Variants in KIZ observed in about 807,000 individuals in gnomAD.
The protein encoded by KIZ is kizuna centrosomal protein.
Under a neutral mutation model 79.6 loss-of-function variants are expected in KIZ, and 68 were observed. The observed-to-expected ratio is 0.85, with a 90% CI of 0.70 to 1.05. The LOEUF (loss-of-function observed/expected upper bound fraction) is 1.05, where lower values mean the gene tolerates loss of function less well. KIZ is among the 50% of genes least tolerant of loss of function. The pLI, the probability that KIZ is intolerant of heterozygous loss-of-function variation, is 0.00. For synonymous variants in KIZ, 280 were observed against 281.8 expected (o/e 0.99, Z 0.06); for missense variants, 797 against 800.4 (o/e 1.00, Z 0.05).
rs759408014 is a variant in KIZ, at chr20:21,199,392, G to A, written c.1353-6099G>A. Among the ~76,000 whole-genome samples the A allele has an allele frequency of 3.2e-4, 49 of 152,130 alleles. 1 individual carries two copies. Among genetic ancestry groups the A allele is most frequent in the Non-Finnish European group, 4.4e-4 (30 of 68,016 alleles). ...TTCTTTACCACAGTCATTTTTTAGA[G>A]CCAGATAAAGAAGTCAAGAATGTTC... On this transcript the variant is annotated intron_variant, in intron 6 of 12. Transcript: ENST00000619189.
At chr20:21,221,034 T>G (rs2036486841) in intron 9 of KIZ, among the ~76,000 whole-genome samples, 3 of 152,140 alleles carry the variant, frequency 2.0e-5, no homozygotes, top group Admixed American at 6.5e-5. Context: ...GCTGGGCTGC[T>G]GGGAGGTCGG....
intron 9 of KIZ, among the ~76,000 whole-genome samples, chr20:21,217,711 G>T (rs780686152): frequency 3.3e-5 from 5 of 152,098 alleles, no homozygotes; most frequent in Non-Finnish European, 7.3e-5. Flanking sequence ...AAGTTTAAAT[G>T]AAATCATTTG....
chr20:21,139,005 C>T (rs2032361096), intron 3 of KIZ: 1 of 145,920 alleles, frequency 6.9e-6, no homozygotes, highest in Non-Finnish European at 1.5e-5. Flanking sequence ...AAGTATGAAA[C>T]CGGCCCAACC....
intron 9 of KIZ, among the ~76,000 whole-genome samples, chr20:21,224,316 T>C (rs2036595054): frequency 6.6e-6 from 1 of 152,256 alleles, no homozygotes; most frequent in African/African-American, 2.4e-5. Flanking sequence ...GCAAATGATT[T>C]CTGGATTCTC....
intron 4 of KIZ, among the ~76,000 whole-genome samples, chr20:21,149,352 G>C (rs2033000430): frequency 6.6e-6 from 1 of 152,198 alleles, no homozygotes; most frequent in South Asian, 2.1e-4. Context: ...TGGTGCTGTA[G>C]TATTTGAGCT....
At chr20:21,205,149 T>G (rs1391097646) in intron 6 of KIZ, among the ~76,000 whole-genome samples, 1 of 152,152 alleles carries the variant, frequency 6.6e-6, no homozygotes, top group East Asian at 1.9e-4. Context: ...TAGATTAAAA[T>G]TTTAAAGTAA....
chr20:21,226,748 G>A (rs997628659), intron 9 of KIZ, among the ~76,000 whole-genome samples: 8 of 152,214 alleles, frequency 5.3e-5, no homozygotes, highest in African/African-American at 1.9e-4. Context: ...GGGGGTGAGT[G>A]ATGTGCCCAG....
At chr20:21,210,547 T>G (rs2036024967) in intron 7 of KIZ, among the ~76,000 whole-genome samples, 1 of 152,168 alleles carries the variant, frequency 6.6e-6, no homozygotes, top group Non-Finnish European at 1.5e-5. Flanking sequence ...TAAAAAAGTT[T>G]CAAAGAATAT....
intron 7 of KIZ, among the ~76,000 whole-genome samples, chr20:21,210,552 G>T (rs1305358126): frequency 1.3e-5 from 2 of 152,062 alleles, no homozygotes; most frequent in Non-Finnish European, 2.9e-5. Flanking sequence ...AAGTTTCAAA[G>T]AATATCTGTG....
At chr20:21,133,164 G>A (rs1005249161) in intron 2 of KIZ, 2 of 152,232 alleles carry the variant, frequency 1.3e-5, no homozygotes, top group Non-Finnish European at 2.9e-5. Context: ...AGAAGAGAGA[G>A]AGGCCAAGAA....
chr20:21,229,503 T>G (rs1372297546), intron 10 of KIZ, among the ~76,000 whole-genome samples: 1 of 152,240 alleles, frequency 6.6e-6, no homozygotes, highest in Non-Finnish European at 1.5e-5. Context: ...GTTGGGGGAT[T>G]TTGAGTTCTT....
intron 11 of KIZ, among the ~76,000 whole-genome samples, chr20:21,234,640 C>T (rs1016321910): frequency 1.3e-5 from 2 of 151,854 alleles, no homozygotes; most frequent in African/African-American, 4.8e-5. Flanking sequence ...CAAGTGGTCT[C>T]GAAACCCGGT....
intron 6 of KIZ, among the ~76,000 whole-genome samples, chr20:21,181,480 A>G (rs368844873): frequency 1.3e-5 from 2 of 150,412 alleles, no homozygotes. Context: ...TTTTTTTTAG[A>G]CAGGGTCTCA....
chr20:21,241,161 T>C (rs908609671), intron 11 of KIZ, among the ~76,000 whole-genome samples: 1 of 152,228 alleles, frequency 6.6e-6, no homozygotes, highest in Non-Finnish European at 1.5e-5. Context: ...GTAGCCAAAG[T>C]AGTTGGCTCT....
At chr20:21,207,696 T>G (rs1010226187) in intron 7 of KIZ, among the ~76,000 whole-genome samples, 1 of 151,922 alleles carries the variant, frequency 6.6e-6, no homozygotes, top group Non-Finnish European at 1.5e-5. Context: ...TGCTGATGAA[T>G]GTAGATCTTT....
intron 4 of KIZ, among the ~76,000 whole-genome samples, chr20:21,160,300 A>G (rs745603512): frequency 2.6e-5 from 4 of 152,078 alleles, no homozygotes; most frequent in Non-Finnish European, 5.9e-5. Context: ...ACCACCTCTC[A>G]GTCACTGGGT....
At chr20:21,221,870 A>G (rs1466187924) in intron 9 of KIZ, among the ~76,000 whole-genome samples, 1 of 152,236 alleles carries the variant, frequency 6.6e-6, no homozygotes, top group Non-Finnish European at 1.5e-5. Flanking sequence ...GCACAGTGGC[A>G]TAACACCACT....
At chr20:21,143,667 G>T (rs1420380375) in intron 3 of KIZ, among the ~76,000 whole-genome samples, 1 of 152,224 alleles carries the variant, frequency 6.6e-6, no homozygotes, top group East Asian at 1.9e-4. Flanking sequence ...GTTACCTGAT[G>T]GATTAACTCA....
chr20:21,183,909 T>A (rs921192896), intron 6 of KIZ, among the ~76,000 whole-genome samples: 3 of 152,092 alleles, frequency 2.0e-5, no homozygotes, highest in African/African-American at 7.2e-5. Context: ...AGCTGGAGAA[T>A]TTTTCCCTGG....
Sources: gnomAD v4.1 joint callset for allele counts (sites outside exome capture counted in the v4.1 genomes callset) on GRCh38, gnomAD v4.1.1 for gene constraint, MANE v1.5 for transcripts, NCBI Gene and HGNC (gene_info 2026-07-23, HGNC 2026-07-21) for gene names.